NXPE4: variants seen among roughly 807,000 people sequenced by gnomAD.
NXPE4 encodes the protein neurexophilin and PC-esterase domain family member 4.
Under a neutral mutation model 33.3 loss-of-function variants are expected in NXPE4, and 42 were observed. That is an observed-to-expected ratio of 1.26 (90% CI 0.98 to 1.63). NXPE4 has a LOEUF of 1.63. Ranked by LOEUF, NXPE4 falls within the 40% of genes most tolerant of loss-of-function variation. NXPE4 has a pLI of 0.00. For missense variants in NXPE4, 709 were observed against 647.6 expected, an observed-to-expected ratio of 1.09 and a Z score of -1.03; for synonymous variants, 253 against 234.9, an observed-to-expected ratio of 1.08 and a Z score of -0.71.
intron 5 of NXPE4, among the ~76,000 whole-genome samples, chr11:114,577,989 T>C (rs1565329952): frequency 6.6e-6 from 1 of 152,208 alleles, no homozygotes; most frequent in Non-Finnish European, 1.5e-5. Flanking sequence ...GATCCTCTCA[T>C]GTATATTTAA....
chr11:114,628,186 G>C, the NXPE4 span, among the ~76,000 whole-genome samples: 1 of 144,288 alleles, frequency 6.9e-6, no homozygotes, highest in Non-Finnish European at 1.5e-5. Context: ...GACATCTACA[G>C]AACTCTCCAC....
At chr11:114,652,884 C>G in the NXPE4 span, among the ~76,000 whole-genome samples, 1 of 152,120 alleles carries the variant, frequency 6.6e-6, no homozygotes, top group African/African-American at 2.4e-5. Flanking sequence ...CCCAGTGGTG[C>G]CAATCACTTT....
the NXPE4 span, among the ~76,000 whole-genome samples, chr11:114,649,130 T>C: frequency 7.1e-6 from 1 of 140,128 alleles, no homozygotes; most frequent in Admixed American, 7.3e-5. Context: ...CAGCTTGTCA[T>C]GTTTTTTTTT....
chr11:114,650,508 C>T, the NXPE4 span, among the ~76,000 whole-genome samples: 1 of 152,112 alleles, frequency 6.6e-6, no homozygotes, highest in Non-Finnish European at 1.5e-5. Context: ...AAAGCCCTGG[C>T]CTTAAGCAAC....
the NXPE4 span, among the ~76,000 whole-genome samples, chr11:114,620,745 A>G: frequency 6.6e-6 from 1 of 152,076 alleles, no homozygotes; most frequent in East Asian, 1.9e-4. Context: ...TACCCGATGT[A>G]TAATAAGTAT....
At chr11:114,648,307 G>C in the NXPE4 span, among the ~76,000 whole-genome samples, 37 of 152,188 alleles carry the variant, frequency 2.4e-4, no homozygotes, top group Admixed American at 6.5e-4. Context: ...AAAGCTGGTA[G>C]GTTGAAGGTC....
At chr11:114,675,387 G>A in the NXPE4 span, among the ~76,000 whole-genome samples, 1,070 of 151,758 alleles carry the variant, frequency 7.1e-3, 9 homozygotes, top group African/African-American at 0.02. Context: ...CCAGTGACAG[G>A]AGCTTATATA....
At chr11:114,651,131 G>T in the NXPE4 span, among the ~76,000 whole-genome samples, 1 of 152,098 alleles carries the variant, frequency 6.6e-6, no homozygotes, top group South Asian at 2.1e-4. Context: ...TCCAGATTTG[G>T]TTCCTTCCAG....
At chr11:114,606,775 T>C in the NXPE4 span, among the ~76,000 whole-genome samples, 1 of 151,960 alleles carries the variant, frequency 6.6e-6, no homozygotes, top group Non-Finnish European at 1.5e-5. Context: ...GTAACCACTA[T>C]TATCCAGTCG....
At chr11:114,615,760 A>C in the NXPE4 span, among the ~76,000 whole-genome samples, 1 of 151,514 alleles carries the variant, frequency 6.6e-6, no homozygotes. Context: ...GTGGATAATA[A>C]GTACTGCCTC....
At chr11:114,653,286 C>T in the NXPE4 span, among the ~76,000 whole-genome samples, 3 of 152,112 alleles carry the variant, frequency 2.0e-5, no homozygotes, top group African/African-American at 7.2e-5. Flanking sequence ...AAGGGCTGAG[C>T]CCCAGACAAT....
At chr11:114,586,878 G>A (rs1355456966) in intron 2 of NXPE4, among the ~76,000 whole-genome samples, 2 of 152,102 alleles carry the variant, frequency 1.3e-5, no homozygotes, top group South Asian at 2.1e-4. Context: ...GGCAAGATAA[G>A]GAAATGCCAT....
chr11:114,626,108 C>A, the NXPE4 span, among the ~76,000 whole-genome samples: 4 of 152,170 alleles, frequency 2.6e-5, no homozygotes, highest in Non-Finnish European at 4.4e-5. Context: ...GAGGGGCGCC[C>A]GCCATTGCCC....
intron 2 of NXPE4, among the ~76,000 whole-genome samples, chr11:114,585,472 G>T (rs763417082): frequency 5.9e-5 from 9 of 151,966 alleles, no homozygotes; most frequent in Non-Finnish European, 1.0e-4. Context: ...AAGAGAGCAG[G>T]AGTCACTATG....
chr11:114,639,586 A>G, the NXPE4 span, among the ~76,000 whole-genome samples: 1 of 150,202 alleles, frequency 6.7e-6, no homozygotes, highest in Non-Finnish European at 1.5e-5. Flanking sequence ...TGTAGACTGG[A>G]GCTGTTCCTA....
At chr11:114,623,646 T>C in the NXPE4 span, among the ~76,000 whole-genome samples, 5 of 152,010 alleles carry the variant, frequency 3.3e-5, no homozygotes, top group Non-Finnish European at 5.9e-5. Context: ...AGTGTTGCCT[T>C]GTGTGTAACC....
In NXPE4 at chr11:114,580,180, C is replaced by T; in HGVS notation, c.1051G>A (p.Asp351Asn). Reference sequence around the variant, plus strand: ...TCCATCCACTGGCGGATCGTGGAATCTCCCATTAGGTATATGAGTTTTCCT... The same window carrying T: ...TCCATCCACTGGCGGATCGTGGAATTTCCCATTAGGTATATGAGTTTTCCT... ...LRGKLIYLMGDSTIRQWMEYF... is the reference protein window; with the variant it reads ...LRGKLIYLMGNSTIRQWMEYF... Residue 351 changes from aspartate (D) to asparagine (N), a missense_variant, in exon 5 of 6, where the codon GAT becomes AAT. By Grantham distance (23) the Asp-to-Asn change is conservative. Coordinates refer to ENST00000375478, the MANE Select transcript of NXPE4 (RefSeq NM_001077639.2). 2.5e-6 allele frequency: 4 copies of T among 1,614,066 alleles called. No individual in the cohort carries two copies. Among genetic ancestry groups the T allele is most frequent in the Non-Finnish European group, 3.4e-6 (4 of 1,179,946 alleles).
chr11:114,645,567 A>G, the NXPE4 span, among the ~76,000 whole-genome samples: 1 of 152,208 alleles, frequency 6.6e-6, no homozygotes, highest in Non-Finnish European at 1.5e-5. Context: ...AGTGCAATAA[A>G]AGATACCCTA....
At chr11:114,598,462 T>G (rs1949603173), upstream of NXPE4, among the ~76,000 whole-genome samples, 1 of 152,248 alleles carries the variant, frequency 6.6e-6, no homozygotes, top group South Asian at 2.1e-4. Flanking sequence ...ACTGCCCTAG[T>G]AGAGGTTATC....
Sources: allele counts gnomAD v4.1 joint callset (sites outside exome capture counted in the v4.1 genomes callset), GRCh38; gene constraint gnomAD v4.1.1; transcripts MANE v1.5; gene names NCBI Gene and HGNC (gene_info 2026-07-23, HGNC 2026-07-21).